The following TMEM209 variants were observed in gnomAD, a reference collection of about 807,000 sequenced individuals.
TMEM209 encodes transmembrane protein 209.
In TMEM209, 65 loss-of-function variants were observed where a neutral mutation model predicts 76.2. The ratio of observed to expected loss-of-function variants is 0.85; its 90% confidence interval spans 0.70 to 1.05. TMEM209 has a LOEUF of 1.05. Ranked by LOEUF, TMEM209 falls within the 50% of genes least tolerant of loss-of-function variation. The pLI is 0.00. For synonymous variants in TMEM209, 239 were observed against 237.6 expected, an observed-to-expected ratio of 1.01 and a Z score of -0.06; for missense variants, 623 against 685.5, an observed-to-expected ratio of 0.91 and a Z score of 1.02.
At chr7:130,199,526 T>C (rs1798114190) in intron 5 of TMEM209, among the ~76,000 whole-genome samples, 1 of 152,162 alleles carries the variant, frequency 6.6e-6, no homozygotes, top group Non-Finnish European at 1.5e-5. Context: ...AGCCGTCACC[T>C]TTACTTTCTT....
chr7:130,181,628 A>G lies in TMEM209; in HGVS notation c.1115T>C (p.Ile372Thr). The change falls in exon 9 of 15, where the codon ATA (isoleucine) becomes ACA (threonine). Residue 372 changes from isoleucine to threonine, a missense_variant. Coordinates refer to ENST00000397622, the MANE Select transcript of TMEM209 (RefSeq NM_032842.4). ...MRRMGCPELQ[I>T]GEASITSLKQ... ...TGGGCTCTGTTTTCACATACCTCCTATCTGTAGCTCTGGACAACCCATTCG... is the reference window on the plus strand; with the variant it reads ...TGGGCTCTGTTTTCACATACCTCCTGTCTGTAGCTCTGGACAACCCATTCG... 6.2e-7 allele frequency: 1 copy of G among 1,611,182 alleles called. No homozygotes were observed. The highest frequency in any genetic ancestry group is 8.5e-7 in the Non-Finnish European group (1 of 1,178,680).
chr7:130,180,018 A>G (rs1375085911), intron 9 of TMEM209, among the ~76,000 whole-genome samples: 1 of 152,240 alleles, frequency 6.6e-6, no homozygotes, highest in East Asian at 1.9e-4. Context: ...ACACAAGTCT[A>G]CTTCTAAGAA....
At chr7:130,169,665 A>G (rs949825689) in intron 14 of TMEM209, among the ~76,000 whole-genome samples, 1 of 152,110 alleles carries the variant, frequency 6.6e-6, no homozygotes, top group Non-Finnish European at 1.5e-5. Context: ...ACAGGATGCT[A>G]TCTAAAACTT....
At chr7:130,170,510 A>C in intron 13 of TMEM209, 37 bp from the exon 14 acceptor site, 1 of 1,532,524 alleles carries the variant, frequency 6.5e-7, no homozygotes, top group Non-Finnish European at 9.0e-7. Flanking sequence ...TTTAAACCAA[A>C]TGAAAAAGAT....
At chr7:130,196,362 T>A (rs1175140539) in intron 5 of TMEM209, among the ~76,000 whole-genome samples, 1 of 152,104 alleles carries the variant, frequency 6.6e-6, no homozygotes, top group Non-Finnish European at 1.5e-5. Flanking sequence ...ATGTATTTCA[T>A]TAACTTTTCT....
chr7:130,187,153 G>A (rs1797627542), intron 6 of TMEM209, among the ~76,000 whole-genome samples: 1 of 151,588 alleles, frequency 6.6e-6, no homozygotes, highest in Admixed American at 6.6e-5. Context: ...TAAGGCAGGA[G>A]AATTGCTTGA....
At chr7:130,183,071 G>A (rs1002880324) in intron 8 of TMEM209, among the ~76,000 whole-genome samples, 2 of 152,200 alleles carry the variant, frequency 1.3e-5, no homozygotes, top group African/African-American at 2.4e-5. Flanking sequence ...GACTTCAGAT[G>A]AGGAAATGTA....
intron 5 of TMEM209, among the ~76,000 whole-genome samples, chr7:130,195,152 T>C (rs560101745): frequency 6.6e-6 from 1 of 152,310 alleles, no homozygotes; most frequent in Admixed American, 6.5e-5. Flanking sequence ...AATGAGTAAC[T>C]TGCATAAATC....
In TMEM209 at chr7:130,185,249, C is replaced by T. The variant is rs1797558021; in HGVS notation, c.894G>A (p.Gln298=). 1.2e-6 allele frequency: 2 copies of T among 1,613,986 alleles called. No homozygotes were observed. The highest frequency in any genetic ancestry group is 1.7e-6 in the Non-Finnish European group (2 of 1,179,884). The stretch of plus-strand genomic sequence containing the variant: ...CTTCATCTTTGTTAGCACATGGGGC[C>T]TGAGACCTACAGGCAAGCTGATACT... The part of the protein sequence containing the change: ...KFQYQLACRS[Q]APCANKDEAD... The change falls in exon 7 of 15, where the codon CAG becomes CAA. Residue 298 remains glutamine (Q), a synonymous_variant. Coordinates refer to ENST00000397622, the MANE Select transcript of TMEM209 (RefSeq NM_032842.4).
In TMEM209 at chr7:130,170,275, C is replaced by T. The variant is rs1797026538; in HGVS notation, c.1631+125G>A. The T allele has an allele frequency of 6.5e-6, 5 of 769,674 alleles. No homozygotes were observed. The East Asian group carries it at 7.8e-5, about 12-fold the overall frequency. 47.7% of individuals were successfully genotyped at this position (769,674 alleles called of 1,614,324 possible). A position where few individuals can be genotyped will look rare whatever the true frequency, so the allele number is the denominator to read the frequency against. On this transcript the variant is annotated intron_variant, in intron 14 of 14. Transcript: ENST00000397622. ...ATAGCAGAGGTAGTCTGTGACAGGG[C>T]TGAAGCCATTATCTATTGTTCAATC...
Position 130,192,738 on chromosome 7 carries a change from C to A in TMEM209, c.659G>T (p.Arg220Leu), listed in dbSNP as rs758053205. The A allele has an allele frequency of 6.2e-7, 1 of 1,613,736 alleles. No homozygotes were observed. The change falls in exon 6 of 15, where the codon CGT becomes CTT. Residue 220 changes from arginine (R) to leucine (L), a missense_variant. Transcript: ENST00000397622. ...TGAGTTGTAGACGGTAGGTGAAGAA[C>A]GGTAGCGAGATCTCAATCCACTGCT... ...VESSGLRSRY[R>L]SSPTVYNSPT...
rs1375776919 is a variant in TMEM209 at position 130,165,056 on chromosome 7, T to C, written c.*1395A>G. 6.6e-6 allele frequency: 1 copy of C among 152,242 alleles called. No individual in the cohort carries two copies. Among genetic ancestry groups the C allele is most frequent in the East Asian group, 1.9e-4 (1 of 5,204 alleles). 9.4% of individuals were successfully genotyped at this position (152,242 alleles called of 1,614,324 possible). A position where few individuals can be genotyped will look rare whatever the true frequency, so the allele number is the denominator to read the frequency against. On this transcript the variant is annotated 3_prime_UTR_variant, in exon 15 of 15. Coordinates refer to ENST00000397622, the MANE Select transcript of TMEM209 (RefSeq NM_032842.4). ...CTGGGGATACTTTAGTGAGTCTGCA[T>C]ATGTGTATTATTAATACATGTTAAA...
chr7:130,189,920 A>T (rs960421055), intron 6 of TMEM209, among the ~76,000 whole-genome samples: 3 of 152,196 alleles, frequency 2.0e-5, no homozygotes, highest in Non-Finnish European at 4.4e-5. Flanking sequence ...GGGCTCTTAG[A>T]GAAACAGACT....
chr7:130,201,811 C>A (rs1443846132), intron 5 of TMEM209, 39 bp downstream of exon 5: 9 of 1,609,850 alleles, frequency 5.6e-6, no homozygotes, highest in Non-Finnish European at 7.6e-6. Flanking sequence ...CCTCTCAATT[C>A]TAAAATAATG....
intron 5 of TMEM209, among the ~76,000 whole-genome samples, chr7:130,194,291 C>A (rs1202946170): frequency 6.6e-6 from 1 of 150,490 alleles, no homozygotes; most frequent in African/African-American, 2.4e-5. Context: ...CATGAGATCT[C>A]TTGATTTTGC....
In TMEM209 at chr7:130,192,792, G is replaced by A. The variant is rs754213345; in HGVS notation, c.605C>T (p.Pro202Leu). The A allele has an allele frequency of 2.2e-5, 35 of 1,613,792 alleles. No homozygotes were observed. The highest frequency in any genetic ancestry group is 2.0e-4 in the East Asian group (9 of 44,888). ...LASFSPSPPS[P>L]YPTTVGPVES... ...CACTGGTCCAACAGTGGTAGGGTAC[G>A]GAGAAGGAGGAGAGGGGCTAAAGCT... The change falls in exon 6 of 15, where the codon CCG (proline) becomes CTG (leucine). Residue 202 changes from proline to leucine, a missense_variant. Coordinates refer to ENST00000397622, the MANE Select transcript of TMEM209 (RefSeq NM_032842.4).
At chr7:130,176,043 GGAAA>G (rs1269754634) in intron 10 of TMEM209, among the ~76,000 whole-genome samples, 4 of 151,512 alleles carry the variant, frequency 2.6e-5, no homozygotes, top group South Asian at 2.1e-4. Context: ...ATATATATGT[GGAAA>G]GAAAGAATCA....
intron 4 of TMEM209, 94 bp from the exon 5 acceptor site, chr7:130,202,185 A>G: frequency 6.9e-7 from 1 of 1,442,568 alleles, no homozygotes; most frequent in South Asian, 1.4e-5. Flanking sequence ...TCTTAAGGGA[A>G]AAAAGTTAAC....
intron 1 of TMEM209, among the ~76,000 whole-genome samples, 158 bp from the exon 2 acceptor site, chr7:130,204,268 T>G (rs554870121): frequency 6.6e-6 from 1 of 152,368 alleles, no homozygotes; most frequent in South Asian, 2.1e-4. Context: ...AATATCAGTA[T>G]ATGAAAAGGG....
Sources: allele counts gnomAD v4.1 joint callset (sites outside exome capture counted in the v4.1 genomes callset), GRCh38; gene constraint gnomAD v4.1.1; transcripts MANE v1.5; gene names NCBI Gene and HGNC (gene_info 2026-07-23, HGNC 2026-07-21).